The following DGKI variants were observed in gnomAD, a reference collection of about 807,000 sequenced individuals.
The protein encoded by DGKI is diacylglycerol kinase iota, also known as DAG kinase iota.
A neutral mutation model predicts 147.5 loss-of-function variants in DGKI; 55 were observed. That is an observed-to-expected ratio of 0.37 (90% CI 0.30 to 0.47). The LOEUF (loss-of-function observed/expected upper bound fraction) is 0.47, where lower values mean the gene tolerates loss of function less well. Ranked by LOEUF, DGKI falls within the 20% of genes least tolerant of loss-of-function variation. The pLI is 1.00. For missense variants in DGKI, 1,007 were observed against 1,323.8 expected (o/e 0.76, Z 3.71); for synonymous variants, 469 against 477.1 (o/e 0.98, Z 0.22).
chr7:137,580,982 T>G (rs951322277), intron 15 of DGKI, among the ~76,000 whole-genome samples: 1 of 152,108 alleles, frequency 6.6e-6, no homozygotes, highest in Non-Finnish European at 1.5e-5. Context: ...GGTACAGATA[T>G]AGATACAGGC....
At chr7:137,562,305 G>A (rs1477439170) in intron 19 of DGKI, among the ~76,000 whole-genome samples, 2 of 152,224 alleles carry the variant, frequency 1.3e-5, no homozygotes, top group African/African-American at 4.8e-5. Context: ...GGAGGCCAAG[G>A]TGGGCAGATC....
chr7:137,521,934 C>A lies in DGKI; in HGVS notation c.2180G>T (p.Arg727Leu). 1 of 1,611,830 alleles carries A rather than the reference C, an allele frequency of 6.2e-7. No individual in the cohort carries two copies. The highest frequency in any genetic ancestry group is 8.5e-7 in the Non-Finnish European group (1 of 1,178,752). Residue 727 changes from arginine (R) to leucine (L), a missense_variant, in exon 21 of 33, where the codon CGG (arginine) becomes CTG (leucine). Physicochemically the swap from Arg to Leu is moderately radical, Grantham distance 102. Coordinates refer to ENST00000614521, the MANE Select transcript of DGKI (RefSeq NM_001321708.2). ...PQSVPDRLRI[R>L]VNKISLQDYE... The stretch of plus-strand genomic sequence containing the variant: ...GTCTTGTAAACTGATTTTGTTCACC[C>A]GGATCCTCAGACGATCTGGGACAGA...
intron 20 of DGKI, among the ~76,000 whole-genome samples, chr7:137,534,680 T>C (rs1361960601): frequency 6.6e-6 from 1 of 152,014 alleles, no homozygotes; most frequent in Non-Finnish European, 1.5e-5. Context: ...ACAACTAAAA[T>C]ATTTATATAA....
intron 23 of DGKI, among the ~76,000 whole-genome samples, chr7:137,472,913 T>C (rs1563040913): frequency 6.6e-6 from 1 of 152,152 alleles, no homozygotes; most frequent in Non-Finnish European, 1.5e-5. Flanking sequence ...AATTTCTGTA[T>C]GTAAAAATCA....
intron 1 of DGKI, among the ~76,000 whole-genome samples, chr7:137,781,910 T>A (rs1450094273): frequency 6.6e-6 from 1 of 152,180 alleles, no homozygotes; most frequent in African/African-American, 2.4e-5. Context: ...CAGTGATTCC[T>A]CAATCTGTCA....
intron 28 of DGKI, among the ~76,000 whole-genome samples, chr7:137,424,811 T>G (rs1020047456): frequency 2.0e-5 from 3 of 152,146 alleles, no homozygotes; most frequent in African/African-American, 4.8e-5. Context: ...GAGATCAAAC[T>G]GCAAGGTGGG....
chr7:137,615,273 G>T (rs1266818434), intron 8 of DGKI, among the ~76,000 whole-genome samples: 2 of 152,010 alleles, frequency 1.3e-5, no homozygotes, highest in African/African-American at 4.8e-5. Flanking sequence ...TTTACACACA[G>T]CTGAATTTTT....
chr7:137,762,382 C>T (rs985750476), intron 1 of DGKI, among the ~76,000 whole-genome samples: 7 of 152,192 alleles, frequency 4.6e-5, no homozygotes, highest in Non-Finnish European at 7.3e-5. Flanking sequence ...AAAGAGCATG[C>T]CCTTTATGTT....
chr7:137,424,590 C>T (rs992669912), intron 28 of DGKI, among the ~76,000 whole-genome samples: 1 of 152,134 alleles, frequency 6.6e-6, no homozygotes, highest in African/African-American at 2.4e-5. Flanking sequence ...TGAGGCATTG[C>T]CTCACTTGGG....
At chr7:137,426,676 A>G (rs1305556068) in intron 28 of DGKI, among the ~76,000 whole-genome samples, 3 of 152,064 alleles carry the variant, frequency 2.0e-5, no homozygotes, top group Non-Finnish European at 4.4e-5. Context: ...AGTGACACAC[A>G]CAGGCTCAAA....
intron 3 of DGKI, among the ~76,000 whole-genome samples, chr7:137,659,452 A>G (rs1822340708): frequency 6.6e-6 from 1 of 152,226 alleles, no homozygotes; most frequent in Non-Finnish European, 1.5e-5. Context: ...CAAAACACCT[A>G]GAATTTTGTG....
intron 21 of DGKI, among the ~76,000 whole-genome samples, chr7:137,510,430 A>G (rs1415770858): frequency 6.6e-6 from 1 of 152,236 alleles, no homozygotes; most frequent in Non-Finnish European, 1.5e-5. Context: ...TCTTAGACAC[A>G]GAAAGAACCA....
intron 30 of DGKI, among the ~76,000 whole-genome samples, chr7:137,405,420 G>A (rs577991072): frequency 1.3e-5 from 2 of 152,032 alleles, no homozygotes; most frequent in African/African-American, 4.8e-5. Context: ...ATTTTTATTT[G>A]TGAAACTGGG....
intron 13 of DGKI, 115 bp from the exon 14 acceptor site, chr7:137,585,461 G>A: frequency 7.6e-7 from 1 of 1,308,042 alleles, no homozygotes; most frequent in Non-Finnish European, 1.0e-6. Flanking sequence ...AATTAGCAAG[G>A]TTTGAAGAGC....
intron 28 of DGKI, among the ~76,000 whole-genome samples, chr7:137,438,161 T>C (rs761750388): frequency 2.6e-5 from 4 of 152,086 alleles, no homozygotes; most frequent in Non-Finnish European, 5.9e-5. Flanking sequence ...TGGAGAAAAT[T>C]TGCAACACAC....
At chr7:137,776,905 C>A (rs1434039238) in intron 1 of DGKI, among the ~76,000 whole-genome samples, 3 of 152,110 alleles carry the variant, frequency 2.0e-5, no homozygotes, top group African/African-American at 7.2e-5. Context: ...TTTAAAAAGA[C>A]CAGGCAGGAT....
In DGKI at chr7:137,382,649, A is replaced by G. The variant is rs1352526383; in HGVS notation, c.*8571T>C. 6.6e-6 allele frequency: 1 copy of G among 152,092 alleles called. No homozygotes were observed. The allele number at this position is 152,092 out of a possible 1,614,324, so 9.4% of individuals were successfully genotyped here. Reference sequence around the variant, plus strand: ...ACACTATCAGTTGTTTGAGATTACCATGAGAATTTGTGTTACTACTAGGGT... The same window carrying G: ...ACACTATCAGTTGTTTGAGATTACCGTGAGAATTTGTGTTACTACTAGGGT... On this transcript the variant is annotated 3_prime_UTR_variant, in exon 33 of 33. Transcript: ENST00000614521.
At chr7:137,732,993 G>T (rs1211889491) in intron 1 of DGKI, among the ~76,000 whole-genome samples, 1 of 151,794 alleles carries the variant, frequency 6.6e-6, no homozygotes, top group Non-Finnish European at 1.5e-5. Flanking sequence ...TCTCACTGAG[G>T]TCTCTGTTTT....
At chr7:137,591,682 AC>A (rs542257051) in intron 12 of DGKI, among the ~76,000 whole-genome samples, 122 of 152,308 alleles carry the variant, frequency 8.0e-4, no homozygotes, top group African/African-American at 2.9e-3. Context: ...ATAATGCCTG[AC>A]TTTTAGAGTT....
Sources: allele counts gnomAD v4.1 joint callset (sites outside exome capture counted in the v4.1 genomes callset), GRCh38; gene constraint gnomAD v4.1.1; transcripts MANE v1.5; gene names NCBI Gene and HGNC (gene_info 2026-07-23, HGNC 2026-07-21).